HELZ: variants seen among roughly 807,000 people sequenced by gnomAD.
HELZ encodes the protein ATP-dependent RNA helicase with zinc finger domain.
HELZ carries 23 observed loss-of-function variants against 218.2 expected under a neutral mutation model. That is an observed-to-expected ratio of 0.11 (90% CI 0.08 to 0.15). The LOEUF is 0.15. Ranked by LOEUF, HELZ falls within the 10% of genes least tolerant of loss-of-function variation. The probability of loss-of-function intolerance (pLI) is 1.00; values close to 1 mark genes in which losing one functional copy is unlikely to be tolerated. For missense variants in HELZ, 1,813 were observed against 2,353.7 expected, an observed-to-expected ratio of 0.77 and a Z score of 4.75; for synonymous variants, 814 against 829.4, an observed-to-expected ratio of 0.98 and a Z score of 0.32.
intron 23 of HELZ, among the ~76,000 whole-genome samples, chr17:67,132,218 CTG>C (rs57691319): frequency 0.03 from 4,458 of 146,694 alleles, 154 homozygotes; most frequent in African/African-American, 0.088. Context: ...CCTTAGGTCA[CTG>C]TGTGTGTGTG....
intron 3 of HELZ, among the ~76,000 whole-genome samples, chr17:67,230,456 G>A (rs1217268027): frequency 6.6e-6 from 1 of 151,976 alleles, no homozygotes; most frequent in Admixed American, 6.6e-5. Flanking sequence ...AATTAGCTGG[G>A]GTTGGTGGTG....
intron 5 of HELZ, among the ~76,000 whole-genome samples, chr17:67,212,332 A>AAAAAAAAAAAAAAAAAAAC: frequency 6.7e-6 from 1 of 148,626 alleles, no homozygotes; most frequent in Non-Finnish European, 1.5e-5. Context: ...AAAAAAAAAA[A>AAAAAAAAAAAAAAAAAAAC]AAAGGCTACA....
intron 30 of HELZ, 85 bp from the exon 31 acceptor site, chr17:67,107,770 A>C: frequency 8.2e-7 from 1 of 1,221,362 alleles, no homozygotes; most frequent in East Asian, 2.4e-5. Flanking sequence ...ATGTATTTTC[A>C]ACAAACAAAA....
intron 32 of HELZ, among the ~76,000 whole-genome samples, chr17:67,082,896 G>A (rs895330549): frequency 2.9e-5 from 4 of 136,976 alleles, no homozygotes; most frequent in South Asian, 2.3e-4. Flanking sequence ...TTGCTCTGTC[G>A]CCCAGGCTGG....
At chr17:67,215,824 G>C in intron 5 of HELZ, 75 bp downstream of exon 5, 1 of 983,090 alleles carries the variant, frequency 1.0e-6, no homozygotes, top group Admixed American at 2.1e-5. Context: ...CATCATTTTT[G>C]AAATTAGCCA....
chr17:67,215,684 C>G, intron 5 of HELZ: 1 of 563,842 alleles, frequency 1.8e-6, no homozygotes, highest in Non-Finnish European at 3.3e-6. Flanking sequence ...TCAATGTTCC[C>G]AGGGGAGTGA....
chr17:67,187,897 A>C (rs945584074), intron 12 of HELZ, among the ~76,000 whole-genome samples: 1 of 152,236 alleles, frequency 6.6e-6, no homozygotes, highest in Non-Finnish European at 1.5e-5. Flanking sequence ...CTTTTCATTC[A>C]GAAACAATGT....
intron 31 of HELZ, among the ~76,000 whole-genome samples, chr17:67,092,567 G>A (rs2036604101): frequency 6.6e-6 from 1 of 152,152 alleles, no homozygotes; most frequent in South Asian, 2.1e-4. Context: ...CGGGAAAAAC[G>A]AAGGGCTCCA....
chr17:67,184,019 A>G (rs1452045032), intron 12 of HELZ, among the ~76,000 whole-genome samples: 1 of 151,994 alleles, frequency 6.6e-6, no homozygotes, highest in Non-Finnish European at 1.5e-5. Flanking sequence ...AAAAAAAAAA[A>G]GAAACCCAAA....
intron 6 of HELZ, among the ~76,000 whole-genome samples, chr17:67,201,731 A>C (rs1483212131): frequency 1.3e-5 from 2 of 152,214 alleles, no homozygotes; most frequent in Non-Finnish European, 2.9e-5. Flanking sequence ...ACAACAGGTA[A>C]AACTGTAATA....
rs200024507 is a variant in HELZ, at chr17:67,209,120, T to TAA, written c.248-5679_248-5678dup. On this transcript the variant is annotated intron_variant, in intron 5 of 32. Transcript: ENST00000358691. ...TCTCTATTTTAAAAGCCTGGGGAAT[T>TAA]AAAAAAAAAAAAAAACAACACTGGC... Among the ~76,000 whole-genome samples the TAA allele has an allele frequency of 2.9e-3, 404 of 137,734 alleles. 2 individuals are homozygous for TAA. Among genetic ancestry groups the TAA allele is most frequent in the Non-Finnish European group, 4.7e-3 (305 of 65,202 alleles). The allele number at this position is 137,734 out of a possible 152,430, so 90.4% of individuals were successfully genotyped here. A position where few individuals can be genotyped will look rare whatever the true frequency, so the allele number is the denominator to read the frequency against.
chr17:67,116,484 TACAC>T lies in HELZ; in HGVS notation c.3839-2085_3839-2082del, dbSNP rs144779116. Among the ~76,000 whole-genome samples, 351 of 147,588 alleles carry T rather than the reference TACAC, an allele frequency of 2.4e-3. 4 individuals are homozygous for T. The highest frequency in any genetic ancestry group is 7.0e-3 in the African/African-American group (283 of 40,344). On this transcript the variant is annotated intron_variant, in intron 27 of 32. Transcript: ENST00000358691. ...ATAGATTAAAAGTAAAAGGTAAAAA[TACAC>T]ACACACACACACACACACACACACC...
At chr17:67,092,596 A>G (rs2036605300) in intron 31 of HELZ, among the ~76,000 whole-genome samples, 1 of 152,224 alleles carries the variant, frequency 6.6e-6, no homozygotes, top group African/African-American at 2.4e-5. Context: ...CAAGCACTAA[A>G]AAGTCCCCAG....
At chr17:67,195,784 TTACTC>T (rs1321151354) in intron 7 of HELZ, among the ~76,000 whole-genome samples, 1 of 151,802 alleles carries the variant, frequency 6.6e-6, no homozygotes, top group Non-Finnish European at 1.5e-5. Flanking sequence ...TTTATTCACT[TTACTC>T]TCCTCTTCAT....
chr17:67,143,231 C>A (rs2038387844), intron 21 of HELZ, among the ~76,000 whole-genome samples: 1 of 152,132 alleles, frequency 6.6e-6, no homozygotes, highest in African/African-American at 2.4e-5. Context: ...TATATCTGTA[C>A]AACTCTGTCT....
At chr17:67,086,115 T>A (rs1266951000) in intron 32 of HELZ, among the ~76,000 whole-genome samples, 2 of 151,988 alleles carry the variant, frequency 1.3e-5, no homozygotes, top group South Asian at 2.1e-4. Context: ...TCTAACCAGC[T>A]CCCACTCACC....
intron 27 of HELZ, among the ~76,000 whole-genome samples, chr17:67,115,957 CA>C (rs924488104): frequency 6.6e-6 from 1 of 151,836 alleles, no homozygotes; most frequent in Non-Finnish European, 1.5e-5. Context: ...GCTGTTTAAA[CA>C]AAAATAACAA....
At chr17:67,225,092 A>C in intron 3 of HELZ, 2 of 499,826 alleles carry the variant, frequency 4.0e-6, no homozygotes, top group East Asian at 8.7e-5. Flanking sequence ...ATGTTTAAAA[A>C]ATTACATATA....
At chr17:67,105,515 T>G (rs1480345281) in intron 31 of HELZ, among the ~76,000 whole-genome samples, 1 of 152,234 alleles carries the variant, frequency 6.6e-6, no homozygotes, top group Non-Finnish European at 1.5e-5. Flanking sequence ...TGATGAAATG[T>G]TCTGGAATTA....
Sources: gnomAD v4.1 joint callset for allele counts (sites outside exome capture counted in the v4.1 genomes callset) on GRCh38, gnomAD v4.1.1 for gene constraint, MANE v1.5 for transcripts, NCBI Gene and HGNC (gene_info 2026-07-23, HGNC 2026-07-21) for gene names.